PARD3B: variants seen among roughly 807,000 people sequenced by gnomAD.
The protein encoded by PARD3B is par-3 family cell polarity regulator beta, also known as partitioning defective 3 homolog B.
In PARD3B, 103 loss-of-function variants were observed where a neutral mutation model predicts 130.2. The observed-to-expected ratio is 0.79, with a 90% CI of 0.67 to 0.93. PARD3B has a LOEUF of 0.93. Among genes scored for constraint, PARD3B ranks in the 40% least tolerant of loss-of-function variants. PARD3B has a pLI of 0.00. For missense variants in PARD3B, 1,609 were observed against 1,499.2 expected (o/e 1.07, Z -1.21); for synonymous variants, 583 against 553.2 (o/e 1.05, Z -0.76).
intron 3 of PARD3B, among the ~76,000 whole-genome samples, chr2:205,032,512 G>A (rs901371079): frequency 6.6e-6 from 1 of 152,146 alleles, no homozygotes; most frequent in African/African-American, 2.4e-5. Flanking sequence ...AGTTGGAAAT[G>A]TTGGGAAAGT....
rs1448846931 is a variant in PARD3B at position 205,183,985 on chromosome 2, C to A, written c.1925-1779C>A. ...GAAGAACTGATGTTTCCGTTTGGGT[C>A]TGAAGATAGAAAAAAGCCAATGTCC... On this transcript the variant is annotated intron_variant, in intron 13 of 22. Coordinates refer to ENST00000406610, the MANE Select transcript of PARD3B (RefSeq NM_001302769.2). This position sits in a 1 kb window ranked among gnomAD's most constrained non-coding sequence, Gnocchi z 5.2. Among the ~76,000 whole-genome samples the A allele has an allele frequency of 6.7e-6, 1 of 149,726 alleles. No homozygotes were observed.
At chr2:205,103,398 T>C (rs1702963068) in intron 4 of PARD3B, among the ~76,000 whole-genome samples, 1 of 135,638 alleles carries the variant, frequency 7.4e-6, no homozygotes, top group Non-Finnish European at 1.6e-5. Flanking sequence ...ATAAATTATA[T>C]AAATAAAATA....
At chr2:205,545,614 C>T (rs2052347826) in intron 21 of PARD3B, among the ~76,000 whole-genome samples, 1 of 152,140 alleles carries the variant, frequency 6.6e-6, no homozygotes, top group Non-Finnish European at 1.5e-5. Flanking sequence ...CGTATTGCAA[C>T]TTTGCTTGGC....
At chr2:204,649,447 T>A (rs991528765) in intron 1 of PARD3B, among the ~76,000 whole-genome samples, 3 of 151,948 alleles carry the variant, frequency 2.0e-5, no homozygotes, top group Non-Finnish European at 2.9e-5. Context: ...AAACCACCCA[T>A]CCCCACAAAG....
chr2:205,346,921 C>G (rs1445613555), intron 18 of PARD3B, among the ~76,000 whole-genome samples: 1 of 152,132 alleles, frequency 6.6e-6, no homozygotes, highest in South Asian at 2.1e-4. Context: ...GGCTAATGCT[C>G]GGTGGGTGGC....
At chr2:204,605,620 C>T (rs2033686265) in intron 1 of PARD3B, among the ~76,000 whole-genome samples, 1 of 152,054 alleles carries the variant, frequency 6.6e-6, no homozygotes, top group South Asian at 2.1e-4. Context: ...AGGTTAATAT[C>T]ATGAACTCTA....
At position 204,678,480 on chromosome 2, in the gene PARD3B, T is replaced by C. The variant is rs571358698; in HGVS notation, c.121-7701T>C. Among the ~76,000 whole-genome samples, 8 of 152,208 alleles carry C rather than the reference T, an allele frequency of 5.3e-5. No individual in the cohort carries two copies. Among genetic ancestry groups the C allele is most frequent in the South Asian group, 2.1e-4 (1 of 4,814 alleles). ...AAGGATGTTGAATGCAGAGGTTTTA[T>C]TGACTGATGGAGGTGGCTGTCAGTG... On this transcript the variant is annotated intron_variant, in intron 1 of 22. Coordinates refer to ENST00000406610, the MANE Select transcript of PARD3B (RefSeq NM_001302769.2). The surrounding 1 kb of genome is among the most constrained non-coding windows in gnomAD (Gnocchi z 4.2).
intron 3 of PARD3B, among the ~76,000 whole-genome samples, chr2:204,974,300 T>C (rs1230694585): frequency 6.6e-6 from 1 of 152,196 alleles, no homozygotes; most frequent in Non-Finnish European, 1.5e-5. Flanking sequence ...ACTATGGTTA[T>C]GTAATGTATG....
chr2:205,344,209 T>TGTGTGC, intron 18 of PARD3B, among the ~76,000 whole-genome samples: 1 of 151,754 alleles, frequency 6.6e-6, no homozygotes, highest in Non-Finnish European at 1.5e-5. Flanking sequence ...TGTGTGTGTG[T>TGTGTGC]GTGTGTGTGT....
chr2:205,438,917 G>A (rs2047614549), intron 19 of PARD3B, among the ~76,000 whole-genome samples: 1 of 151,982 alleles, frequency 6.6e-6, no homozygotes, highest in African/African-American at 2.4e-5. Flanking sequence ...GTTTTGTTTT[G>A]GTTTTGGTTT....
chr2:204,728,739 G>C (rs980894869), intron 2 of PARD3B, among the ~76,000 whole-genome samples: 2 of 152,196 alleles, frequency 1.3e-5, no homozygotes, highest in African/African-American at 4.8e-5. Flanking sequence ...ATAGAGAGTA[G>C]CTGAGCTAGG....
chr2:205,302,524 C>T (rs189642571), intron 18 of PARD3B, among the ~76,000 whole-genome samples: 37 of 152,320 alleles, frequency 2.4e-4, no homozygotes, highest in Admixed American at 5.9e-4. Context: ...GAGGCATGGA[C>T]AATGCCTGCA....
rs1318989669 is a variant in PARD3B at position 204,998,406 on chromosome 2, GTA to G, written c.394+33091_394+33092del. Among the ~76,000 whole-genome samples, 29 of 55,508 alleles carry G rather than the reference GTA, an allele frequency of 5.2e-4. 1 individual carries two copies. In the East Asian group the frequency reaches 5.3e-3, roughly 10 times the overall value. The allele number at this position is 55,508 out of a possible 152,430, so 36.4% of individuals were successfully genotyped here. On this transcript the variant is annotated intron_variant, in intron 3 of 22. Transcript: ENST00000406610. ...TGTGTGTGTATATATGTATATATGT[GTA>G]TATATATGTATATATGTGTATATAT...
intron 22 of PARD3B, among the ~76,000 whole-genome samples, chr2:205,582,979 A>T (rs571191591): frequency 6.6e-6 from 1 of 152,186 alleles, no homozygotes; most frequent in Admixed American, 6.6e-5. Flanking sequence ...TGCTTATGGC[A>T]GGTGGGGGGA....
chr2:205,304,433 C>T (rs2042118159), intron 18 of PARD3B, among the ~76,000 whole-genome samples: 1 of 151,286 alleles, frequency 6.6e-6, no homozygotes, highest in South Asian at 2.1e-4. Context: ...GTCAGGAGTT[C>T]GAGACCAGCT....
chr2:204,747,487 G>T (rs951646551), intron 2 of PARD3B, among the ~76,000 whole-genome samples: 1 of 152,112 alleles, frequency 6.6e-6, no homozygotes, highest in Non-Finnish European at 1.5e-5. Context: ...AATCAGTATC[G>T]TGAAAATGGC....
rs1419132375 is a variant in PARD3B, at chr2:205,530,058, G to A, written c.3181-23266G>A. Among the ~76,000 whole-genome samples the A allele has an allele frequency of 1.3e-5, 2 of 152,170 alleles. No individual in the cohort carries two copies. The highest frequency in any genetic ancestry group is 2.9e-5 in the Non-Finnish European group (2 of 68,024). On this transcript the variant is annotated intron_variant, in intron 21 of 22. Coordinates refer to ENST00000406610, the MANE Select transcript of PARD3B (RefSeq NM_001302769.2). The surrounding 1 kb of genome is among the most constrained non-coding windows in gnomAD (Gnocchi z 4.7). Reference sequence around the variant, plus strand: ...AGGTGCCACCCAACAATGCTGTGAAGAGTAAGAAATGCTATCCGTAGGGTA... The same window carrying A: ...AGGTGCCACCCAACAATGCTGTGAAAAGTAAGAAATGCTATCCGTAGGGTA...
intron 1 of PARD3B, among the ~76,000 whole-genome samples, chr2:204,651,654 G>A (rs1016983862): frequency 6.6e-6 from 1 of 152,204 alleles, no homozygotes; most frequent in Non-Finnish European, 1.5e-5. Context: ...GCTCCACTAT[G>A]CAGTGCCCCA....
At chr2:205,485,742 T>C (rs1205380057) in intron 20 of PARD3B, among the ~76,000 whole-genome samples, 3 of 152,170 alleles carry the variant, frequency 2.0e-5, no homozygotes, top group Non-Finnish European at 4.4e-5. Context: ...CCCACACTTG[T>C]GCGGTGCCTG....
Sources: allele counts gnomAD v4.1 joint callset (sites outside exome capture counted in the v4.1 genomes callset), GRCh38; gene constraint gnomAD v4.1.1; non-coding constraint Gnocchi (gnomAD v3.1); transcripts MANE v1.5; gene names NCBI Gene and HGNC (gene_info 2026-07-23, HGNC 2026-07-21).